Variants in TCHP observed in about 807,000 individuals in gnomAD.
TCHP encodes trichoplein keratin filament binding, also known as trichoplein keratin filament-binding protein.
TCHP carries 81 observed loss-of-function variants against 88.7 expected under a neutral mutation model. That is an observed-to-expected ratio of 0.91 (90% CI 0.76 to 1.10). TCHP has a LOEUF of 1.10. TCHP is among the 50% of genes least tolerant of loss of function. The pLI, the probability that TCHP is intolerant of heterozygous loss-of-function variation, is 0.00. For synonymous variants in TCHP, 232 were observed against 232.5 expected (o/e 1.00, Z 0.02); for missense variants, 641 against 632.1 (o/e 1.01, Z -0.15).
chr12:109,899,160 A>G (rs1869648270), upstream of TCHP, among the ~76,000 whole-genome samples: 1 of 152,250 alleles, frequency 6.6e-6, no homozygotes, highest in Admixed American at 6.5e-5. Flanking sequence ...AGATGAATAA[A>G]GAATGGAGAA....
In TCHP at chr12:109,915,551, G is replaced by T; in HGVS notation, c.1464+5G>T. The T allele has an allele frequency of 6.2e-7, 1 of 1,609,620 alleles. No individual in the cohort carries two copies. Among genetic ancestry groups the T allele is most frequent in the Non-Finnish European group, 8.5e-7 (1 of 1,177,282 alleles). On this transcript the variant is annotated splice_donor_5th_base_variant and intron_variant, in intron 12 of 12. Coordinates refer to ENST00000405876, the MANE Select transcript of TCHP (RefSeq NM_001143852.2). ...GAGCAGGGCTACCGGCCTAAGGTAG[G>T]AAGTCTGCCAGGATATAGGCCAACA...
At chr12:109,908,800 C>A in intron 7 of TCHP, 71 bp from the exon 8 acceptor site, 1 of 1,570,068 alleles carries the variant, frequency 6.4e-7, no homozygotes, top group South Asian at 1.1e-5. Context: ...ACAGCCTGGT[C>A]AGCAGTTATC....
At chr12:109,885,478 GTT>G in the TCHP span, among the ~76,000 whole-genome samples, 2,107 of 117,894 alleles carry the variant, frequency 0.018, 7 homozygotes, top group African/African-American at 0.05. Flanking sequence ...AAATCTGATG[GTT>G]TTTTTTTTTT....
At chr12:109,914,825 G>T in intron 11 of TCHP, 198 bp downstream of exon 11, 1 of 545,560 alleles carries the variant, frequency 1.8e-6, no homozygotes, top group Non-Finnish European at 3.3e-6. Context: ...ATGTCGTGTG[G>T]GTGAGGCCGG....
At chr12:109,915,322 C>T (rs561692993) in intron 11 of TCHP, 81 bp from the exon 12 acceptor site, 1 of 1,603,518 alleles carries the variant, frequency 6.2e-7, no homozygotes, top group Non-Finnish European at 8.5e-7. Context: ...GGTAGGGCCG[C>T]AGGCTTACCT....
the TCHP span, among the ~76,000 whole-genome samples, chr12:109,890,914 C>T: frequency 1.1e-4 from 16 of 152,170 alleles, no homozygotes; most frequent in African/African-American, 3.6e-4. Context: ...TCTCAAGGAG[C>T]TCACAGACTG....
At chr12:109,910,129 ACT>A (rs932637437) in intron 8 of TCHP, among the ~76,000 whole-genome samples, 2 of 151,998 alleles carry the variant, frequency 1.3e-5, no homozygotes, top group African/African-American at 4.8e-5. Flanking sequence ...ACAGAGTGAG[ACT>A]CTGTCTCAAA....
chr12:109,911,899 T>C (rs1358038684), intron 9 of TCHP, among the ~76,000 whole-genome samples: 7 of 151,874 alleles, frequency 4.6e-5, no homozygotes, highest in Non-Finnish European at 1.0e-4. Context: ...TGGGTTCAAG[T>C]AATTCTCTGC....
At chr12:109,912,261 C>T (rs928451578) in intron 9 of TCHP, among the ~76,000 whole-genome samples, 1 of 152,210 alleles carries the variant, frequency 6.6e-6, no homozygotes, top group Non-Finnish European at 1.5e-5. Flanking sequence ...CCTCATCTTA[C>T]TGAGTCCTGA....
At position 109,911,046 on chromosome 12, in the gene TCHP, C is replaced by T. The variant is rs370853770; in HGVS notation, c.880-17C>T. ...CTCTGTCCAGCCCAGCCACGTGCCG[C>T]CCTCTGCTTCCTCTAGGAGGCAGAC... is the stretch of plus-strand genomic sequence containing the variant. On this transcript the variant is annotated splice_polypyrimidine_tract_variant and intron_variant, in intron 8 of 12. Transcript: ENST00000405876. The T allele has an allele frequency of 1.3e-6, 2 of 1,543,242 alleles. No individual in the cohort carries two copies. Among genetic ancestry groups the T allele is most frequent in the Non-Finnish European group, 1.8e-6 (2 of 1,142,508 alleles).
At chr12:109,899,257 A>G (rs796384651), upstream of TCHP, among the ~76,000 whole-genome samples, 1 of 152,234 alleles carries the variant, frequency 6.6e-6, no homozygotes, top group South Asian at 2.1e-4. Flanking sequence ...TTAATGGAAT[A>G]GTTGGCATGT....
rs759191841 is a variant in TCHP at position 109,916,990 on chromosome 12, C to T, written c.*367C>T. ...TTGTCTCACCTTTAATTGTCAACCT[C>T]CAGTGTTGACTCTAGAAATATGAGG... On this transcript the variant is annotated 3_prime_UTR_variant, in exon 13 of 13. Transcript: ENST00000405876. The T allele has an allele frequency of 4.9e-6, 1 of 204,692 alleles. No individual in the cohort carries two copies. The highest frequency in any genetic ancestry group is 9.7e-6 in the Non-Finnish European group (1 of 103,382). The allele number at this position is 204,692 out of a possible 1,614,324, so 12.7% of individuals were successfully genotyped here. A position where few individuals can be genotyped will look rare whatever the true frequency, so the allele number is the denominator to read the frequency against.
rs780424467 is a variant in TCHP, at chr12:109,913,048, C to T, written c.1110C>T (p.Ser370=). The change falls in exon 10 of 13, where the codon AGC becomes AGT. Residue 370 remains serine, a synonymous_variant. Transcript: ENST00000405876. ...KREAEWARER[S]ARDRLMSEVL... ...AGGCAGAGTGGGCCCGAGAGCGCAG[C>T]GCACGGGACAGACTGATGAGCGAGG... 42 of 1,613,738 alleles carry T rather than the reference C, an allele frequency of 2.6e-5. No homozygotes were observed. The highest frequency in any genetic ancestry group is 5.3e-5 in the African/African-American group (4 of 74,902).
chr12:109,915,182 A>C (rs12049979), intron 11 of TCHP: 68,487 of 603,158 alleles, frequency 0.11, 7,855 homozygotes, highest in African/African-American at 0.47. Flanking sequence ...CCACGAGGTA[A>C]GCGCCACGCA....
intron 7 of TCHP, 77 bp downstream of exon 7, chr12:109,908,775 G>A (rs1354538123): frequency 5.1e-6 from 8 of 1,569,854 alleles, no homozygotes; most frequent in Non-Finnish European, 7.0e-6. Flanking sequence ...TCGTGTTGCT[G>A]AAACCATAAA....
intron 8 of TCHP, among the ~76,000 whole-genome samples, chr12:109,910,032 G>A (rs571648530): frequency 6.6e-6 from 1 of 152,194 alleles, no homozygotes; most frequent in South Asian, 2.1e-4. Flanking sequence ...CCAGATACTC[G>A]GGGGGCTGAG....
At position 109,905,846 on chromosome 12, in the gene TCHP, C is replaced by T. The variant is rs1024094188; in HGVS notation, c.457-726C>T. Among the ~76,000 whole-genome samples the T allele has an allele frequency of 3.9e-5, 6 of 152,158 alleles. No homozygotes were observed. In the South Asian group the frequency reaches 1.2e-3, roughly 31 times the overall value. The stretch of plus-strand genomic sequence containing the variant: ...CATTCAAGTTAATTGCCTATGTTCA[C>T]AGCTGTAAGTTGGGAAAGATTATTT... On this transcript the variant is annotated intron_variant, in intron 4 of 12. Transcript: ENST00000405876. The surrounding 1 kb of genome is among the most constrained non-coding windows in gnomAD (Gnocchi z 4.0).
chr12:109,889,304 T>C, the TCHP span, among the ~76,000 whole-genome samples: 1 of 152,092 alleles, frequency 6.6e-6, no homozygotes, highest in South Asian at 2.1e-4. Context: ...AAACCCCGTC[T>C]CTACTAAAAA....
chr12:109,914,762 CCA>C (rs1405003323), intron 11 of TCHP, 135 bp downstream of exon 11: 1 of 666,008 alleles, frequency 1.5e-6, no homozygotes, highest in Non-Finnish European at 2.5e-6. Flanking sequence ...CGTTTCCATC[CCA>C]GCTGCAGTCC....
Sources: allele counts gnomAD v4.1 joint callset (sites outside exome capture counted in the v4.1 genomes callset), GRCh38; gene constraint gnomAD v4.1.1; non-coding constraint Gnocchi (gnomAD v3.1); transcripts MANE v1.5; gene names NCBI Gene and HGNC (gene_info 2026-07-23, HGNC 2026-07-21).